The following NEDD4L variants were observed in gnomAD, a reference collection of about 807,000 sequenced individuals.
NEDD4L encodes the protein NEDD4 like E3 ubiquitin protein ligase, also known as E3 ubiquitin-protein ligase NEDD4-like.
NEDD4L carries 54 observed loss-of-function variants against 148.9 expected under a neutral mutation model. The observed-to-expected ratio is 0.36, with a 90% CI of 0.29 to 0.45. The LOEUF is 0.45. Ranked by LOEUF, NEDD4L falls within the 20% of genes least tolerant of loss-of-function variation. NEDD4L has a pLI of 1.00. For missense variants in NEDD4L, 856 were observed against 1,233.8 expected (o/e 0.69, Z 4.59); for synonymous variants, 433 against 440.7 (o/e 0.98, Z 0.22).
At chr18:58,146,420 C>T (rs1261881298) in intron 1 of NEDD4L, among the ~76,000 whole-genome samples, 5 of 151,908 alleles carry the variant, frequency 3.3e-5, no homozygotes, top group Admixed American at 6.6e-5. Flanking sequence ...GGATTTGGGC[C>T]GGGGAGGAAG....
intron 1 of NEDD4L, among the ~76,000 whole-genome samples, chr18:58,070,705 C>T (rs903116480): frequency 3.3e-5 from 5 of 151,674 alleles, no homozygotes; most frequent in Admixed American, 6.6e-5. Context: ...CACACCCACA[C>T]GCCCTCTCAC....
chr18:58,341,624 A>G lies in NEDD4L; in HGVS notation c.1258-54A>G, dbSNP rs1057262596. 4.4e-6 allele frequency: 7 copies of G among 1,575,388 alleles called. No individual in the cohort carries two copies. The African/African-American group carries it at 9.5e-5, about 21-fold the overall frequency. Reference sequence around the variant, plus strand: ...GTTGTTTGGGTTCGCGCTCCTAATCACACACACCGGGAGATCCTCCTATGA... The same window carrying G: ...GTTGTTTGGGTTCGCGCTCCTAATCGCACACACCGGGAGATCCTCCTATGA... On this transcript the variant is annotated intron_variant, in intron 14 of 30. Transcript: ENST00000400345.
chr18:58,103,002 C>T (rs1217974997), intron 1 of NEDD4L, among the ~76,000 whole-genome samples: 1 of 151,992 alleles, frequency 6.6e-6, no homozygotes, highest in Non-Finnish European at 1.5e-5. Context: ...TTTCTAAGAT[C>T]ACGGCTGGCT....
intron 1 of NEDD4L, among the ~76,000 whole-genome samples, chr18:58,066,387 G>GTTTTTTTTTT (rs368243667): frequency 1.6e-4 from 18 of 112,122 alleles, no homozygotes; most frequent in African/African-American, 4.2e-4. Flanking sequence ...CTCTGTATTA[G>GTTTTTTTTTT]TTTTTTTTTT....
chr18:58,054,930 T>C (rs2082028954), intron 1 of NEDD4L: 1 of 152,154 alleles, frequency 6.6e-6, no homozygotes, highest in Admixed American at 6.5e-5. Flanking sequence ...ATATTATTGG[T>C]ATTATTATTA....
At chr18:58,107,023 T>C (rs1350228210) in intron 1 of NEDD4L, among the ~76,000 whole-genome samples, 1 of 152,214 alleles carries the variant, frequency 6.6e-6, no homozygotes, top group Non-Finnish European at 1.5e-5. Flanking sequence ...AAGATCAAAG[T>C]GTTGACAGGC....
At chr18:58,152,183 A>C (rs1474600276) in intron 1 of NEDD4L, among the ~76,000 whole-genome samples, 1 of 152,106 alleles carries the variant, frequency 6.6e-6, no homozygotes, top group Non-Finnish European at 1.5e-5. Context: ...ACCCTGAAGC[A>C]CCTCTGTTAA....
intron 2 of NEDD4L, among the ~76,000 whole-genome samples, chr18:58,229,387 C>T (rs1468041711): frequency 2.0e-5 from 3 of 152,080 alleles, no homozygotes; most frequent in African/African-American, 7.2e-5. Context: ...TAGCAGATGG[C>T]ACGGTAACAA....
At chr18:58,271,183 T>C (rs2050990685) in intron 5 of NEDD4L, among the ~76,000 whole-genome samples, 1 of 152,208 alleles carries the variant, frequency 6.6e-6, no homozygotes, top group African/African-American at 2.4e-5. Context: ...ACTGAATTAG[T>C]ATCAGCAAAC....
chr18:58,343,165 T>G, intron 16 of NEDD4L, 62 bp downstream of exon 16: 1 of 1,456,470 alleles, frequency 6.9e-7, no homozygotes. Context: ...AATTCCTTGA[T>G]TTCCTTAGTG....
chr18:58,237,100 C>T (rs1361374428), intron 2 of NEDD4L, among the ~76,000 whole-genome samples: 1 of 151,986 alleles, frequency 6.6e-6, no homozygotes, highest in Non-Finnish European at 1.5e-5. Flanking sequence ...ATATATATAT[C>T]GCCACCTTTC....
intron 2 of NEDD4L, among the ~76,000 whole-genome samples, chr18:58,190,776 C>T (rs1279698073): frequency 6.6e-6 from 1 of 152,134 alleles, no homozygotes; most frequent in Non-Finnish European, 1.5e-5. Flanking sequence ...TCTTAGCTTA[C>T]CTTTTACCTC....
At chr18:58,233,849 T>G (rs906518909) in intron 2 of NEDD4L, among the ~76,000 whole-genome samples, 3 of 152,236 alleles carry the variant, frequency 2.0e-5, no homozygotes, top group Non-Finnish European at 4.4e-5. Context: ...ATATCCTTTC[T>G]GGCTCTTCTA....
chr18:58,335,538 G>A lies in NEDD4L; in HGVS notation c.1125+1G>A, dbSNP rs765233292. The A allele has an allele frequency of 6.2e-6, 10 of 1,611,228 alleles. No individual in the cohort carries two copies. In the African/African-American group the frequency reaches 9.3e-5, roughly 15 times the overall value. ...TGTCACGGGTGGTGAGGAACCAACG[G>A]TAATGATCCACTTTATCAGACATCA... On this transcript the variant is annotated splice_donor_variant, in intron 13 of 30. Transcript: ENST00000400345. LOFTEE classifies it high-confidence loss of function.
At chr18:58,131,384 G>A (rs2032118248) in intron 1 of NEDD4L, among the ~76,000 whole-genome samples, 1 of 148,728 alleles carries the variant, frequency 6.7e-6, no homozygotes, top group South Asian at 2.1e-4. Context: ...GTTGGGGTTT[G>A]GTTGTGATCT....
chr18:58,240,390 C>A (rs1487459190), intron 2 of NEDD4L, among the ~76,000 whole-genome samples: 1 of 152,126 alleles, frequency 6.6e-6, no homozygotes, highest in Non-Finnish European at 1.5e-5. Context: ...GTTGGAGTGG[C>A]ACTAAATCAT....
chr18:58,089,126 A>T (rs867262212), intron 1 of NEDD4L, among the ~76,000 whole-genome samples: 6 of 100,986 alleles, frequency 5.9e-5, no homozygotes, highest in African/African-American at 1.2e-4. Flanking sequence ...TTATTTCATA[A>T]TTTTTTTTTT....
At chr18:58,065,240 C>G (rs573373972) in intron 1 of NEDD4L, among the ~76,000 whole-genome samples, 1 of 152,222 alleles carries the variant, frequency 6.6e-6, no homozygotes, top group Non-Finnish European at 1.5e-5. Flanking sequence ...TCTTTCCAAT[C>G]TTTAGCAACG....
chr18:58,385,463 G>T, intron 25 of NEDD4L, 63 bp from the exon 26 acceptor site: 1 of 1,333,792 alleles, frequency 7.5e-7, no homozygotes, highest in Non-Finnish European at 1.1e-6. Context: ...CCCTGTTGCG[G>T]AGAAAGCAGT....
Sources: gnomAD v4.1 joint callset for allele counts (sites outside exome capture counted in the v4.1 genomes callset) on GRCh38, gnomAD v4.1.1 for gene constraint, MANE v1.5 for transcripts, NCBI Gene and HGNC (gene_info 2026-07-23, HGNC 2026-07-21) for gene names.